CDH13: variants seen among roughly 807,000 people sequenced by gnomAD.
CDH13 encodes cadherin 13.
Under a neutral mutation model 63.8 loss-of-function variants are expected in CDH13, and 24 were observed. The observed-to-expected ratio is 0.38, with a 90% confidence interval of 0.27 to 0.53. The LOEUF (loss-of-function observed/expected upper bound fraction) is 0.53, where lower values mean the gene tolerates loss of function less well. Among genes scored for constraint, CDH13 ranks in the 20% least tolerant of loss-of-function variants. CDH13 has a pLI of 0.85. For synonymous variants in CDH13, 503 were observed against 355.3 expected (o/e 1.42, Z -4.67); for missense variants, 1,049 against 903.1 (o/e 1.16, Z -2.07).
rs140280520 is a variant in CDH13 at position 82,881,275 on chromosome 16, C to G, written c.157+22802C>G. 2.8e-4 allele frequency among the ~76,000 whole-genome samples: 42 copies of G among 152,122 alleles called. 1 individual carries two copies. The East Asian group carries it at 7.5e-3, about 27-fold the overall frequency. Reference sequence around the variant, plus strand: ...ATTTGGATGCCATGGGTTGAAGTCTCCGGAAAGCTGACCTCAGATGAGGAT... The same window carrying G: ...ATTTGGATGCCATGGGTTGAAGTCTGCGGAAAGCTGACCTCAGATGAGGAT... On this transcript the variant is annotated intron_variant, in intron 2 of 13. Coordinates refer to ENST00000567109, the MANE Select transcript of CDH13 (RefSeq NM_001257.5).
intron 6 of CDH13, among the ~76,000 whole-genome samples, chr16:83,426,954 G>C (rs1453377483): frequency 9.1e-6 from 1 of 109,466 alleles, no homozygotes; most frequent in African/African-American, 3.7e-5. Flanking sequence ...ACGGAGTCTC[G>C]CTTGCTCTGT....
At chr16:83,165,139 A>G (rs2037609972) in intron 4 of CDH13, among the ~76,000 whole-genome samples, 1 of 151,778 alleles carries the variant, frequency 6.6e-6, no homozygotes, top group South Asian at 2.1e-4. Flanking sequence ...AGAATTTAGG[A>G]ATCCCTAAGA....
chr16:82,643,010 C>T (rs1597198894), intron 1 of CDH13, among the ~76,000 whole-genome samples: 1 of 152,222 alleles, frequency 6.6e-6, no homozygotes, highest in East Asian at 1.9e-4. Context: ...AAGTCAAATC[C>T]AGAGACAGAA....
intron 1 of CDH13, among the ~76,000 whole-genome samples, chr16:82,790,362 G>C (rs1057512930): frequency 2.0e-5 from 3 of 152,112 alleles, no homozygotes; most frequent in Non-Finnish European, 4.4e-5. Context: ...GTGAACCCGG[G>C]AGGCAGAGGT....
At chr16:82,636,324 G>A (rs1022224256) in intron 1 of CDH13, among the ~76,000 whole-genome samples, 8 of 152,010 alleles carry the variant, frequency 5.3e-5, no homozygotes, top group Admixed American at 1.3e-4. Flanking sequence ...GAACGTTCCT[G>A]GGAGAGGCAC....
intron 2 of CDH13, among the ~76,000 whole-genome samples, chr16:83,015,722 TAA>T (rs1914725128): frequency 1.7e-5 from 2 of 120,568 alleles, no homozygotes; most frequent in South Asian, 2.6e-4. Context: ...TATATATATA[TAA>T]AGAAAAAGCA....
chr16:83,678,480 A>C lies in CDH13; in HGVS notation c.1538+19A>C. 1.2e-6 allele frequency: 2 copies of C among 1,613,534 alleles called. No homozygotes were observed. The highest frequency in any genetic ancestry group is 1.7e-6 in the Non-Finnish European group (2 of 1,179,554). On this transcript the variant is annotated intron_variant, in intron 10 of 13. Transcript: ENST00000567109. Reference sequence around the variant, plus strand: ...CCATCAGGTGGGTGAGTGGCTCCGGAACCACAGACGGGAGGTGGGCAGGAA... The same window carrying C: ...CCATCAGGTGGGTGAGTGGCTCCGGCACCACAGACGGGAGGTGGGCAGGAA...
At chr16:82,739,223 TAAATC>T (rs10592367) in intron 1 of CDH13, among the ~76,000 whole-genome samples, 36,420 of 151,932 alleles carry the variant, frequency 0.24, 4,629 homozygotes, top group Middle Eastern at 0.29. Flanking sequence ...AGTAATTACA[TAAATC>T]AGAGGAAAAA....
At chr16:82,655,418 CAAAAG>C (rs1360726331) in intron 1 of CDH13, among the ~76,000 whole-genome samples, 6 of 152,022 alleles carry the variant, frequency 3.9e-5, no homozygotes, top group East Asian at 1.9e-4. Context: ...ATGTGGATCT[CAAAAG>C]GAAAGTGTAT....
At chr16:83,291,798 T>A (rs1422904683) in intron 5 of CDH13, among the ~76,000 whole-genome samples, 1 of 152,164 alleles carries the variant, frequency 6.6e-6, no homozygotes, top group Non-Finnish European at 1.5e-5. Context: ...TTCGGGAAAA[T>A]GCCCTGAGCT....
chr16:82,939,378 G>T (rs1323768426), intron 2 of CDH13, among the ~76,000 whole-genome samples: 1 of 150,338 alleles, frequency 6.7e-6, no homozygotes, highest in Admixed American at 6.6e-5. Flanking sequence ...AGCTGAGATG[G>T]CACCATTGCA....
chr16:82,634,547 C>T (rs1361858212), intron 1 of CDH13, among the ~76,000 whole-genome samples: 2 of 152,196 alleles, frequency 1.3e-5, no homozygotes, highest in Non-Finnish European at 2.9e-5. Flanking sequence ...GCCAATTTCT[C>T]CCTGCAGTCT....
At chr16:82,677,822 C>CA (rs1300043886) in intron 1 of CDH13, among the ~76,000 whole-genome samples, 5 of 151,602 alleles carry the variant, frequency 3.3e-5, no homozygotes, top group Non-Finnish European at 7.4e-5. Context: ...TTGATGGTTT[C>CA]AGTGGGTCCT....
At chr16:83,506,354 C>G (rs2074394071) in intron 7 of CDH13, among the ~76,000 whole-genome samples, 2 of 152,186 alleles carry the variant, frequency 1.3e-5, no homozygotes, top group African/African-American at 4.8e-5. Context: ...ATGAATGCTC[C>G]TGACTCCTGC....
chr16:82,989,282 A>G (rs1359819726), intron 2 of CDH13, among the ~76,000 whole-genome samples: 1 of 152,192 alleles, frequency 6.6e-6, no homozygotes, highest in Non-Finnish European at 1.5e-5. Flanking sequence ...ACAAGTCTGC[A>G]TCCCTGGGTG....
intron 10 of CDH13, among the ~76,000 whole-genome samples, chr16:83,724,618 T>A (rs1014960682): frequency 1.3e-5 from 2 of 152,188 alleles, no homozygotes; most frequent in Admixed American, 1.3e-4. Flanking sequence ...AGGAAGCGTC[T>A]TACTTGAAGC....
At chr16:83,663,333 T>C (rs955633361) in intron 8 of CDH13, among the ~76,000 whole-genome samples, 2 of 152,218 alleles carry the variant, frequency 1.3e-5, no homozygotes, top group African/African-American at 4.8e-5. Flanking sequence ...CTGAGCTATA[T>C]CTACTCAAAA....
At chr16:83,792,736 C>T (rs984744242) in intron 13 of CDH13, among the ~76,000 whole-genome samples, 3 of 151,626 alleles carry the variant, frequency 2.0e-5, no homozygotes, top group African/African-American at 7.3e-5. Context: ...ATTCTACCAC[C>T]CTGACAACAT....
chr16:82,731,459 C>G (rs531465484), intron 1 of CDH13, among the ~76,000 whole-genome samples: 1 of 152,308 alleles, frequency 6.6e-6, no homozygotes, highest in South Asian at 2.1e-4. Flanking sequence ...GTAGCTGTTA[C>G]ATTGTATATT....
Sources: gnomAD v4.1 joint callset for allele counts (sites outside exome capture counted in the v4.1 genomes callset) on GRCh38, gnomAD v4.1.1 for gene constraint, MANE v1.5 for transcripts, NCBI Gene and HGNC (gene_info 2026-07-23, HGNC 2026-07-21) for gene names.